Variants in SIPA1L3 observed in about 807,000 individuals in gnomAD.
SIPA1L3 encodes signal-induced proliferation-associated 1-like protein 3.
In SIPA1L3, 59 loss-of-function variants were observed where a neutral mutation model predicts 150.1. The ratio of observed to expected loss-of-function variants is 0.39; its 90% confidence interval spans 0.32 to 0.49. SIPA1L3 has a LOEUF of 0.49. Among genes scored for constraint, SIPA1L3 ranks in the 20% least tolerant of loss-of-function variants. The pLI is 0.86. For missense variants in SIPA1L3, 2,211 were observed against 2,489.5 expected, an observed-to-expected ratio of 0.89 and a Z score of 2.38; for synonymous variants, 1,070 against 1,077.6, an observed-to-expected ratio of 0.99 and a Z score of 0.14.
chr19:38,103,843 A>G (rs1970561180), intron 6 of SIPA1L3, among the ~76,000 whole-genome samples: 1 of 148,620 alleles, frequency 6.7e-6, no homozygotes, highest in Non-Finnish European at 1.5e-5. Context: ...TGGAGCTTGC[A>G]ATGAGCCGAG....
At chr19:38,015,603 G>T (rs1420653416) in intron 1 of SIPA1L3, among the ~76,000 whole-genome samples, 1 of 151,534 alleles carries the variant, frequency 6.6e-6, no homozygotes, top group Non-Finnish European at 1.5e-5. Flanking sequence ...GTGCACCTGT[G>T]GTCCCAGCTA....
At chr19:37,931,862 A>T (rs1264877019) in intron 1 of SIPA1L3, among the ~76,000 whole-genome samples, 1 of 152,220 alleles carries the variant, frequency 6.6e-6, no homozygotes, top group African/African-American at 2.4e-5. Context: ...TGTGACCTCC[A>T]GCCTATGACT....
chr19:38,013,097 G>A (rs2145684066), intron 1 of SIPA1L3, among the ~76,000 whole-genome samples: 1 of 152,300 alleles, frequency 6.6e-6, no homozygotes, highest in South Asian at 2.1e-4. Flanking sequence ...GTTTAAAACA[G>A]CATGACCTCT....
At chr19:38,189,539 G>T (rs1972760407) in intron 16 of SIPA1L3, among the ~76,000 whole-genome samples, 1 of 152,262 alleles carries the variant, frequency 6.6e-6, no homozygotes, top group South Asian at 2.1e-4. Context: ...GCCGAGATGG[G>T]CGGACCACCT....
intron 1 of SIPA1L3, among the ~76,000 whole-genome samples, chr19:37,947,979 G>A (rs1490745678): frequency 1.3e-5 from 2 of 152,198 alleles, no homozygotes; most frequent in African/African-American, 2.4e-5. Flanking sequence ...GCTGGCAGGC[G>A]TGGACGTCTC....
intron 1 of SIPA1L3, among the ~76,000 whole-genome samples, chr19:37,915,678 G>C (rs2145473509): frequency 6.6e-6 from 1 of 152,268 alleles, no homozygotes; most frequent in East Asian, 1.9e-4. Flanking sequence ...CATGCACCCA[G>C]CTGGAAATGG....
At chr19:38,160,810 A>C (rs1490717446) in intron 13 of SIPA1L3, among the ~76,000 whole-genome samples, 3 of 152,182 alleles carry the variant, frequency 2.0e-5, no homozygotes, top group Non-Finnish European at 4.4e-5. Flanking sequence ...TCAAAGTCGC[A>C]TGTAGAGGGA....
At chr19:38,092,694 C>T (rs74720555) in intron 4 of SIPA1L3, among the ~76,000 whole-genome samples, 5,594 of 152,168 alleles carry the variant, frequency 0.037, 154 homozygotes, top group Non-Finnish European at 0.052. Flanking sequence ...TGGAGGGTAC[C>T]GTAGCAAACA....
intron 1 of SIPA1L3, among the ~76,000 whole-genome samples, chr19:37,930,854 G>A (rs1383684529): frequency 2.2e-5 from 2 of 91,590 alleles, no homozygotes; most frequent in Admixed American, 1.6e-4. Flanking sequence ...AACAGCACCC[G>A]ACCCAAAGCA....
In SIPA1L3 at chr19:38,082,667, A is replaced by G; in HGVS notation, c.1102A>G (p.Thr368Ala). 1 of 1,608,578 alleles carries G rather than the reference A, an allele frequency of 6.2e-7. No homozygotes were observed. The highest frequency in any genetic ancestry group is 8.5e-7 in the Non-Finnish European group (1 of 1,179,430). The change falls in exon 3 of 22, where the codon ACC becomes GCC. Residue 368 changes from threonine to alanine, a missense_variant. By Grantham distance (58) the Thr-to-Ala change is moderately conservative (BLOSUM62 0). Transcript: ENST00000222345. The stretch of plus-strand genomic sequence containing the variant: ...GGTGTCGGTGTCGCAGCGGCGGAAC[A>G]CCACCACGGGTGCTTCGGCCGCTTC... ...NRVSVSQRRN[T>A]TTGASAASAA...
At chr19:37,998,869 G>GAA (rs1335486563) in intron 1 of SIPA1L3, among the ~76,000 whole-genome samples, 1 of 152,048 alleles carries the variant, frequency 6.6e-6, no homozygotes, top group Non-Finnish European at 1.5e-5. Context: ...AAGCTAATAT[G>GAA]GCAGAATCTT....
At chr19:38,170,014 G>A (rs1036862834) in intron 15 of SIPA1L3, among the ~76,000 whole-genome samples, 1 of 152,010 alleles carries the variant, frequency 6.6e-6, no homozygotes, top group Non-Finnish European at 1.5e-5. Context: ...GAGGGGCCAG[G>A]GTGGGCTGGA....
Position 38,141,178 on chromosome 19 carries a change from C to A in SIPA1L3, c.3144-6C>A, listed in dbSNP as rs1205553901. 1 of 1,575,160 alleles carries A rather than the reference C, an allele frequency of 6.3e-7. No homozygotes were observed. The highest frequency in any genetic ancestry group is 2.3e-5 in the East Asian group (1 of 44,214). On this transcript the variant is annotated splice_polypyrimidine_tract_variant and splice_region_variant and intron_variant, in intron 10 of 21. Transcript: ENST00000222345. ...CCTTTCTGAGTAATGCAGTTTTTCT[C>A]CCCAGGGGTTGGCCGGAGACCTACG...
chr19:38,201,944 C>T lies in SIPA1L3; in HGVS notation c.5067C>T (p.Ser1689=), dbSNP rs1157875390. 9.3e-6 allele frequency: 15 copies of T among 1,613,904 alleles called. No homozygotes were observed. The highest frequency in any genetic ancestry group is 1.3e-5 in the Non-Finnish European group (15 of 1,179,902). The change falls in exon 20 of 22, where the codon AGC becomes AGT. Residue 1689 remains serine (S), a synonymous_variant. Coordinates refer to ENST00000222345, the MANE Select transcript of SIPA1L3 (RefSeq NM_015073.3). The stretch of plus-strand genomic sequence containing the variant: ...CGCCTGCACACAGTCCTGTCCACAG[C>T]CACCTGAGCCTGGAGAGGGGACCCC... ...DIPPAHSPVH[S]HLSLERGPPT...
At position 38,182,196 on chromosome 19, in the gene SIPA1L3, G is replaced by C. The variant is rs8100641; in HGVS notation, c.4209-323G>C. On this transcript the variant is annotated intron_variant, in intron 15 of 21. Transcript: ENST00000222345. ...AGCAAACTGTAAGCCATAGTTCCCT[G>C]TCGAGATGGGCAGGAGGTAAGATCC... is the stretch of plus-strand genomic sequence containing the variant. 0.058 allele frequency among the ~76,000 whole-genome samples: 8,782 copies of C among 151,106 alleles called. 850 individuals carry two copies. The highest frequency in any genetic ancestry group is 0.2 in the African/African-American group (8,058 of 40,870).
At chr19:38,089,147 C>T (rs575651104) in intron 4 of SIPA1L3, among the ~76,000 whole-genome samples, 9 of 151,962 alleles carry the variant, frequency 5.9e-5, no homozygotes, top group Admixed American at 2.0e-4. Context: ...TGGCGAAACC[C>T]CATCTCTACC....
intron 1 of SIPA1L3, among the ~76,000 whole-genome samples, chr19:38,012,668 C>A (rs74565208): frequency 6.6e-6 from 1 of 152,126 alleles, no homozygotes; most frequent in South Asian, 2.1e-4. Context: ...CCATTCCCCC[C>A]ACCCCCCATC....
At chr19:37,948,203 A>T (rs548966564) in intron 1 of SIPA1L3, among the ~76,000 whole-genome samples, 1 of 152,342 alleles carries the variant, frequency 6.6e-6, no homozygotes, top group South Asian at 2.1e-4. Flanking sequence ...GGGGCTATTA[A>T]TTCATCCTGG....
At chr19:37,928,435 G>T (rs1328211890) in intron 1 of SIPA1L3, among the ~76,000 whole-genome samples, 1 of 152,166 alleles carries the variant, frequency 6.6e-6, no homozygotes, top group Non-Finnish European at 1.5e-5. Context: ...GCCGGGTGTG[G>T]TGGCACATAC....
Sources: allele counts gnomAD v4.1 joint callset (sites outside exome capture counted in the v4.1 genomes callset), GRCh38; gene constraint gnomAD v4.1.1; transcripts MANE v1.5; gene names NCBI Gene and HGNC (gene_info 2026-07-23, HGNC 2026-07-21).